The following UNC5C variants were observed in gnomAD, a reference collection of about 807,000 sequenced individuals.
UNC5C encodes unc-5 netrin receptor C, also known as netrin receptor UNC5C.
In UNC5C, 47 loss-of-function variants were observed where a neutral mutation model predicts 99.8. The observed-to-expected ratio is 0.47, with a 90% confidence interval of 0.37 to 0.60. UNC5C has a LOEUF of 0.60. Ranked by LOEUF, UNC5C falls within the 20% of genes least tolerant of loss-of-function variation. The probability of loss-of-function intolerance (pLI) is 0.00; values close to 1 mark genes in which losing one functional copy is unlikely to be tolerated. For missense variants in UNC5C, 1,062 were observed against 1,165.9 expected (o/e 0.91, Z 1.30); for synonymous variants, 487 against 452.2 (o/e 1.08, Z -0.98).
intron 10 of UNC5C, among the ~76,000 whole-genome samples, chr4:95,210,406 T>G (rs1738037014): frequency 6.6e-6 from 1 of 152,200 alleles, no homozygotes; most frequent in Non-Finnish European, 1.5e-5. Flanking sequence ...TTACGCAGGA[T>G]AAGATTTAAC....
intron 1 of UNC5C, among the ~76,000 whole-genome samples, chr4:95,401,072 G>A (rs971952943): frequency 1.3e-5 from 2 of 151,964 alleles, no homozygotes; most frequent in Non-Finnish European, 2.9e-5. Flanking sequence ...TATTTGAGAC[G>A]ATTTTCTCAC....
chr4:95,232,198 A>G (rs1738939058), intron 7 of UNC5C, among the ~76,000 whole-genome samples: 1 of 151,206 alleles, frequency 6.6e-6, no homozygotes, highest in Non-Finnish European at 1.5e-5. Context: ...TATAAACTAT[A>G]TTATGTTTTA....
chr4:95,225,646 T>A lies in UNC5C; in HGVS notation c.1109-5470A>T, dbSNP rs1015859133. On this transcript the variant is annotated intron_variant, in intron 7 of 15. Coordinates refer to ENST00000453304, the MANE Select transcript of UNC5C (RefSeq NM_003728.4). Reference sequence around the variant, plus strand: ...ATTAAAATATTTAATATTTAAAAAATTTTAAAAATATTTTACAAAGTCTCA... The same window carrying A: ...ATTAAAATATTTAATATTTAAAAAAATTTAAAAATATTTTACAAAGTCTCA... Among the ~76,000 whole-genome samples the A allele has an allele frequency of 6.8e-4, 104 of 152,174 alleles. 2 individuals are homozygous for A. Among genetic ancestry groups the A allele is most frequent in the African/African-American group, 2.5e-3 (102 of 41,548 alleles).
intron 14 of UNC5C, among the ~76,000 whole-genome samples, chr4:95,177,406 A>C (rs370788475): frequency 0.063 from 6,820 of 108,922 alleles, 265 homozygotes; most frequent in Middle Eastern, 0.15. Context: ...CATCACCCAG[A>C]GCGCCCCCCA....
intron 14 of UNC5C, among the ~76,000 whole-genome samples, chr4:95,175,072 C>G (rs1478812849): frequency 6.6e-6 from 1 of 151,840 alleles, no homozygotes; most frequent in Non-Finnish European, 1.5e-5. Context: ...CAACCCCTGC[C>G]TTTTTTTGTT....
chr4:95,257,484 G>T (rs1194452562), intron 4 of UNC5C, among the ~76,000 whole-genome samples: 1 of 152,132 alleles, frequency 6.6e-6, no homozygotes, highest in South Asian at 2.1e-4. Context: ...GACAATAATT[G>T]GAAGGGACAG....
At chr4:95,238,672 T>G (rs1739216200) in intron 7 of UNC5C, among the ~76,000 whole-genome samples, 1 of 152,200 alleles carries the variant, frequency 6.6e-6, no homozygotes, top group African/African-American at 2.4e-5. Flanking sequence ...ATTCAGTAAA[T>G]GTTGGATTTT....
intron 1 of UNC5C, among the ~76,000 whole-genome samples, chr4:95,396,545 A>G (rs968626379): frequency 2.0e-5 from 3 of 152,166 alleles, no homozygotes; most frequent in Non-Finnish European, 2.9e-5. Flanking sequence ...TTCAAGCCAA[A>G]GGACAGTTTA....
chr4:95,469,881 T>C (rs894235625), intron 1 of UNC5C, among the ~76,000 whole-genome samples: 18 of 152,294 alleles, frequency 1.2e-4, no homozygotes, highest in Middle Eastern at 3.4e-3. Flanking sequence ...CATGCAGATA[T>C]AAATAGCATC....
intron 1 of UNC5C, among the ~76,000 whole-genome samples, chr4:95,476,372 T>G (rs1748146871): frequency 2.0e-5 from 3 of 152,084 alleles, no homozygotes; most frequent in Non-Finnish European, 4.4e-5. Flanking sequence ...CACAGGGTAC[T>G]TTGCAGTCAT....
intron 1 of UNC5C, among the ~76,000 whole-genome samples, chr4:95,548,104 T>A (rs971203575): frequency 6.6e-6 from 1 of 152,158 alleles, no homozygotes; most frequent in African/African-American, 2.4e-5. Flanking sequence ...TGCAGAGGCA[T>A]GCACATCCCG....
chr4:95,244,258 G>A (rs529839004), intron 6 of UNC5C, among the ~76,000 whole-genome samples: 51 of 152,212 alleles, frequency 3.4e-4, no homozygotes, highest in African/African-American at 1.2e-3. Flanking sequence ...ATTGTATAAC[G>A]AGGCATTTTA....
chr4:95,200,491 A>AACTT (rs1376141254), intron 12 of UNC5C, among the ~76,000 whole-genome samples: 2 of 152,246 alleles, frequency 1.3e-5, no homozygotes, highest in African/African-American at 2.4e-5. Context: ...GACCTAGGGC[A>AACTT]ACTTACTTAA....
At chr4:95,521,064 A>G (rs1722341559) in intron 1 of UNC5C, among the ~76,000 whole-genome samples, 1 of 152,000 alleles carries the variant, frequency 6.6e-6, no homozygotes, top group South Asian at 2.1e-4. Flanking sequence ...AACAACATTT[A>G]TTTTTTATGG....
intron 1 of UNC5C, among the ~76,000 whole-genome samples, chr4:95,481,998 A>T (rs2149478168): frequency 6.6e-6 from 1 of 152,308 alleles, no homozygotes; most frequent in Middle Eastern, 3.4e-3. Context: ...CAAAAGCCAA[A>T]ATTGACAAAT....
intron 2 of UNC5C, among the ~76,000 whole-genome samples, chr4:95,312,449 T>C (rs1283330068): frequency 6.6e-6 from 1 of 152,154 alleles, no homozygotes; most frequent in Non-Finnish European, 1.5e-5. Context: ...ATAAACTTAA[T>C]TGTAGCTTAG....
intron 14 of UNC5C, among the ~76,000 whole-genome samples, chr4:95,172,471 C>T (rs1250099587): frequency 6.6e-6 from 1 of 152,156 alleles, no homozygotes; most frequent in African/African-American, 2.4e-5. Flanking sequence ...TAGGCAGTTT[C>T]CTCAGCACCA....
At chr4:95,494,443 C>A (rs1019873771) in intron 1 of UNC5C, among the ~76,000 whole-genome samples, 1 of 151,408 alleles carries the variant, frequency 6.6e-6, no homozygotes, top group Non-Finnish European at 1.5e-5. Context: ...CCATAATTTG[C>A]ACTGGAGATA....
chr4:95,404,472 G>T (rs1183566328), intron 1 of UNC5C, among the ~76,000 whole-genome samples: 1 of 152,160 alleles, frequency 6.6e-6, no homozygotes, highest in Admixed American at 6.5e-5. Context: ...AGGGTTCTAG[G>T]CCAAAGCCCA....
Sources: gnomAD v4.1 joint callset for allele counts (sites outside exome capture counted in the v4.1 genomes callset) on GRCh38, gnomAD v4.1.1 for gene constraint, MANE v1.5 for transcripts, NCBI Gene and HGNC (gene_info 2026-07-23, HGNC 2026-07-21) for gene names.